The following MERTK variants were observed in gnomAD, a reference collection of about 807,000 sequenced individuals.
MERTK encodes MER proto-oncogene, tyrosine kinase.
Under a neutral mutation model 99.3 loss-of-function variants are expected in MERTK, and 69 were observed. The observed-to-expected ratio is 0.70, with a 90% CI of 0.57 to 0.85. The LOEUF (loss-of-function observed/expected upper bound fraction) is 0.85, where lower values mean the gene tolerates loss of function less well. Ranked by LOEUF, MERTK falls within the 40% of genes least tolerant of loss-of-function variation. MERTK has a pLI of 0.00. For missense variants in MERTK, 1,125 were observed against 1,249.4 expected (o/e 0.90, Z 1.50); for synonymous variants, 426 against 467.6 (o/e 0.91, Z 1.15).
At chr2:111,989,334 A>G (rs546675326) in intron 8 of MERTK, among the ~76,000 whole-genome samples, 1 of 151,194 alleles carries the variant, frequency 6.6e-6, no homozygotes, top group Admixed American at 6.6e-5. Flanking sequence ...TCTTAAATAC[A>G]GTTACGAGTT....
chr2:111,936,719 G>A (rs1174277776), intron 2 of MERTK, among the ~76,000 whole-genome samples: 1 of 152,104 alleles, frequency 6.6e-6, no homozygotes, highest in Non-Finnish European at 1.5e-5. Context: ...CCTCCTCCTT[G>A]GTGCTGTAGC....
chr2:111,916,156 C>A (rs1457422793), intron 1 of MERTK, among the ~76,000 whole-genome samples: 4 of 152,086 alleles, frequency 2.6e-5, no homozygotes, highest in Admixed American at 1.3e-4. Flanking sequence ...CATTCTGTCA[C>A]CCAGGCTGAA....
At chr2:112,004,060 T>C (rs974616005) in intron 13 of MERTK, 76 bp downstream of exon 13, 2 of 1,299,860 alleles carry the variant, frequency 1.5e-6, no homozygotes, top group Non-Finnish European at 2.2e-6. Flanking sequence ...TGAGGCCATA[T>C]GTCACAATCT....
intron 16 of MERTK, chr2:112,020,588 C>A (rs1185926943): frequency 2.1e-6 from 1 of 471,044 alleles, no homozygotes; most frequent in Non-Finnish European, 4.4e-6. Context: ...TTTAATTTCT[C>A]ATTTAATTCC....
chr2:112,018,581 C>T (rs1677265661), intron 15 of MERTK, among the ~76,000 whole-genome samples: 2 of 152,102 alleles, frequency 1.3e-5, no homozygotes, highest in East Asian at 3.9e-4. Flanking sequence ...AAATTCAGTG[C>T]CTTGGGGAGG....
intron 17 of MERTK, 83 bp from the exon 18 acceptor site, chr2:112,022,175 G>A: frequency 1.3e-6 from 2 of 1,587,956 alleles, no homozygotes; most frequent in Non-Finnish European, 1.7e-6. Flanking sequence ...CAGTGTTTAA[G>A]GAAATGACCT....
intron 5 of MERTK, among the ~76,000 whole-genome samples, chr2:111,967,275 C>G (rs999287754): frequency 2.0e-5 from 3 of 152,190 alleles, no homozygotes; most frequent in Admixed American, 1.3e-4. Flanking sequence ...ATCCTGTTTC[C>G]TTATCTATGA....
At position 111,898,727 on chromosome 2, in the gene MERTK, A is replaced by C. The variant is rs1188358809; in HGVS notation, c.-9A>C. ...GTCCGGAGAGAAATTACAGATCCGCAGCCCCGGGATGGGGCCGGCCCCGCT... is the reference window on the plus strand; with the variant it reads ...GTCCGGAGAGAAATTACAGATCCGCCGCCCCGGGATGGGGCCGGCCCCGCT... On this transcript the variant is annotated 5_prime_UTR_variant, in exon 1 of 19. Coordinates refer to ENST00000295408, the MANE Select transcript of MERTK (RefSeq NM_006343.3). The C allele has an allele frequency of 3.1e-6, 5 of 1,605,538 alleles. No individual in the cohort carries two copies. Among genetic ancestry groups the C allele is most frequent in the Non-Finnish European group, 3.4e-6 (4 of 1,176,646 alleles).
intron 1 of MERTK, among the ~76,000 whole-genome samples, chr2:111,926,707 G>A (rs1431381351): frequency 2.0e-5 from 3 of 152,136 alleles, no homozygotes; most frequent in African/African-American, 7.2e-5. Flanking sequence ...ACTCCAGCCT[G>A]GTGACAGAGC....
chr2:111,991,542 A>G (rs1676615709), intron 8 of MERTK, among the ~76,000 whole-genome samples: 1 of 152,052 alleles, frequency 6.6e-6, no homozygotes. Flanking sequence ...TGTATTTCTG[A>G]AAAAGGTATC....
intron 11 of MERTK, among the ~76,000 whole-genome samples, chr2:112,002,738 C>G (rs1330748276): frequency 6.6e-6 from 1 of 152,168 alleles, no homozygotes; most frequent in Non-Finnish European, 1.5e-5. Flanking sequence ...CTTTGGGAGG[C>G]CGAGGTGGGT....
intron 14 of MERTK, among the ~76,000 whole-genome samples, chr2:112,009,495 G>A (rs1677050822): frequency 6.6e-6 from 1 of 152,154 alleles, no homozygotes; most frequent in Admixed American, 6.5e-5. Context: ...ACTTCTTCAC[G>A]TGATTAAATA....
At chr2:111,994,171 C>T (rs1558800366) in intron 8 of MERTK, 80 bp from the exon 9 acceptor site, 16 of 1,542,184 alleles carry the variant, frequency 1.0e-5, no homozygotes, top group East Asian at 4.5e-5. Context: ...GGATGGCTTC[C>T]CTCAGAAGGA....
At chr2:112,000,816 T>C (rs1573631750) in intron 10 of MERTK, among the ~76,000 whole-genome samples, 1 of 152,210 alleles carries the variant, frequency 6.6e-6, no homozygotes, top group African/African-American at 2.4e-5. Context: ...CATAAAATAT[T>C]TGGAATTCTT....
rs765712960 is a variant in MERTK, at chr2:112,022,505, G to C, written c.2486+111G>C. On this transcript the variant is annotated intron_variant, in intron 18 of 18. Coordinates refer to ENST00000295408, the MANE Select transcript of MERTK (RefSeq NM_006343.3). ...AGGGGAAAGGGACTGCTGTTAGCCA[G>C]GTGGGCATGTGCAGAGGGGTGGAAC... is the stretch of plus-strand genomic sequence containing the variant. The C allele has an allele frequency of 3.3e-6, 5 of 1,525,920 alleles. No individual in the cohort carries two copies. The Admixed American group carries it at 8.4e-5, about 25-fold the overall frequency. The allele number at this position is 1,525,920 out of a possible 1,614,324, so 94.5% of individuals were successfully genotyped here. A position where few individuals can be genotyped will look rare whatever the true frequency, so the allele number is the denominator to read the frequency against.
chr2:112,014,346 G>A (rs1181118106), intron 15 of MERTK, among the ~76,000 whole-genome samples: 1 of 151,660 alleles, frequency 6.6e-6, no homozygotes, highest in Non-Finnish European at 1.5e-5. Context: ...TGTATTTTTA[G>A]TAGAGACAGG....
At chr2:111,914,557 G>A (rs1188061209) in intron 1 of MERTK, among the ~76,000 whole-genome samples, 1 of 152,200 alleles carries the variant, frequency 6.6e-6, no homozygotes, top group Non-Finnish European at 1.5e-5. Context: ...GGGATTACAG[G>A]CATGAGCCAC....
At position 112,003,894 on chromosome 2, in the gene MERTK, C is replaced by A. The variant is rs753764841; in HGVS notation, c.1787-10C>A. The A allele has an allele frequency of 1.9e-6, 3 of 1,608,802 alleles. 1 individual carries two copies. The highest frequency in any genetic ancestry group is 1.1e-5 in the South Asian group (1 of 90,972). ...CACAGTGTCCATACAGGTGTTCTTT[C>A]ACTTCACAGGAGAGTTTGGGTCTGT... On this transcript the variant is annotated splice_polypyrimidine_tract_variant and intron_variant, in intron 12 of 18. Transcript: ENST00000295408.
intron 1 of MERTK, among the ~76,000 whole-genome samples, chr2:111,902,177 A>T (rs1343212728): frequency 6.6e-6 from 1 of 152,186 alleles, no homozygotes; most frequent in Non-Finnish European, 1.5e-5. Flanking sequence ...GAGCCACCAC[A>T]CCCAGCCAAT....
Sources: gnomAD v4.1 joint callset for allele counts (sites outside exome capture counted in the v4.1 genomes callset) on GRCh38, gnomAD v4.1.1 for gene constraint, MANE v1.5 for transcripts, NCBI Gene and HGNC (gene_info 2026-07-23, HGNC 2026-07-21) for gene names.